Variants in SREK1 observed in about 807,000 individuals in gnomAD.
SREK1 encodes the protein splicing regulatory glutamine/lysine-rich protein 1.
SREK1 carries 13 observed loss-of-function variants against 66.5 expected under a neutral mutation model. The ratio of observed to expected loss-of-function variants is 0.20; its 90% CI spans 0.13 to 0.31. SREK1 has a LOEUF of 0.31. Ranked by LOEUF, SREK1 falls within the 10% of genes least tolerant of loss-of-function variation. The probability of loss-of-function intolerance (pLI) is 1.00; values close to 1 mark genes in which losing one functional copy is unlikely to be tolerated. For synonymous variants in SREK1, 265 were observed against 263.5 expected, an observed-to-expected ratio of 1.01 and a Z score of -0.05; for missense variants, 607 against 769.6, an observed-to-expected ratio of 0.79 and a Z score of 2.50.
chr5:66,177,957 C>T (rs1746197093), intron 11 of SREK1, among the ~76,000 whole-genome samples: 1 of 151,994 alleles, frequency 6.6e-6, no homozygotes, highest in Non-Finnish European at 1.5e-5. Context: ...CTGCCTGATG[C>T]CATTTTCCTC....
chr5:66,167,367 A>G (rs892464938), intron 7 of SREK1: 1 of 152,228 alleles, frequency 6.6e-6, no homozygotes, highest in Non-Finnish European at 1.5e-5. Context: ...TAGAACAGGA[A>G]CTGTAAGACA....
chr5:66,175,351 G>A (rs1745972012), intron 10 of SREK1, among the ~76,000 whole-genome samples: 1 of 152,054 alleles, frequency 6.6e-6, no homozygotes, highest in Non-Finnish European at 1.5e-5. Flanking sequence ...ACACACTGTT[G>A]TGCCCTTGGT....
At chr5:66,167,537 T>C (rs1338158307) in intron 7 of SREK1, 1 of 152,202 alleles carries the variant, frequency 6.6e-6, no homozygotes, top group African/African-American at 2.4e-5. Flanking sequence ...TGATAAATCT[T>C]TAGTTAGATT....
intron 1 of SREK1, among the ~76,000 whole-genome samples, chr5:66,149,272 C>G (rs945527555): frequency 6.6e-5 from 10 of 152,034 alleles, no homozygotes; most frequent in African/African-American, 1.9e-4. Context: ...ATCGCATGAA[C>G]CCGGGAGGCG....
chr5:66,170,575 G>A lies in SREK1; in HGVS notation c.1122-10G>A, dbSNP rs760330521. ...TTTAGTTATGAATTTATTTATTTTT[G>A]TTTTTAAAGGGACAAGAGAAAAGAC... On this transcript the variant is annotated splice_polypyrimidine_tract_variant and intron_variant, in intron 8 of 11. Coordinates refer to ENST00000334121, the MANE Select transcript of SREK1 (RefSeq NM_001077199.3). 4 of 1,575,812 alleles carry A rather than the reference G, an allele frequency of 2.5e-6. No individual in the cohort carries two copies. The highest frequency in any genetic ancestry group is 3.4e-6 in the Non-Finnish European group (4 of 1,168,682).
intron 5 of SREK1, 41 bp downstream of exon 5, chr5:66,162,633 C>A: frequency 6.5e-7 from 1 of 1,528,054 alleles, no homozygotes; most frequent in Non-Finnish European, 8.8e-7. Flanking sequence ...GATTTTGAAA[C>A]ATTTAAAGTA....
chr5:66,144,947 A>G, intron 1 of SREK1: 1 of 990,510 alleles, frequency 1.0e-6, no homozygotes, highest in Non-Finnish European at 1.2e-6. Context: ...CCTGAGCCAC[A>G]GTCCAGTTTT....
chr5:66,174,845 C>A, intron 9 of SREK1, 101 bp from the exon 10 acceptor site: 1 of 1,047,320 alleles, frequency 9.5e-7, no homozygotes, highest in Non-Finnish European at 1.4e-6. Context: ...CTAAAGAATA[C>A]TGTTCATATG....
At position 66,144,362 on chromosome 5, in the gene SREK1, G is replaced by A; in HGVS notation, c.-15G>A. 6.5e-7 allele frequency: 1 copy of A among 1,531,570 alleles called. No individual in the cohort carries two copies. Among genetic ancestry groups the A allele is most frequent in the Admixed American group, 2.0e-5 (1 of 49,896 alleles). 94.9% of individuals were successfully genotyped at this position (1,531,570 alleles called of 1,614,324 possible). On this transcript the variant is annotated 5_prime_UTR_variant, in exon 1 of 12. Transcript: ENST00000334121. ...AGACGTTGGGGAGCGGGAAGGCAACGGCAGCGGGATCGGGATGAACAGCGG... is the reference window on the plus strand; with the variant it reads ...AGACGTTGGGGAGCGGGAAGGCAACAGCAGCGGGATCGGGATGAACAGCGG...
At chr5:66,177,429 C>T (rs1746147501) in intron 10 of SREK1, 85 bp from the exon 11 acceptor site, 3 of 1,084,572 alleles carry the variant, frequency 2.8e-6, no homozygotes, top group Non-Finnish European at 1.3e-6. Context: ...TTTAGATATC[C>T]AGTGTTAGAA....
chr5:66,145,168 A>G (rs1743060977), intron 1 of SREK1: 8 of 985,302 alleles, frequency 8.1e-6, no homozygotes, highest in Non-Finnish European at 7.2e-6. Flanking sequence ...ACTGTCCCAA[A>G]GCTTTCAGAA....
Position 66,177,531 on chromosome 5 carries a change from A to G in SREK1, c.1598A>G (p.Lys533Arg). Residue 533 changes from lysine (K) to arginine (R), a missense_variant, in exon 11 of 12, where the codon AAA becomes AGA. This residue lies in a region of SREK1 where 318 missense variants were observed against 310.3 expected (regional missense o/e 1.02). Transcript: ENST00000334121. ...PSPRSRNKKD[K>R]KREKERDHIS... ...TCTTATAGCAGAAATAAGAAGGATA[A>G]AAAGAGAGAAAAAGAAAGGGACCAC... The G allele has an allele frequency of 6.3e-7, 1 of 1,597,392 alleles. No homozygotes were observed. The highest frequency in any genetic ancestry group is 2.2e-5 in the East Asian group (1 of 44,564).
intron 8 of SREK1, among the ~76,000 whole-genome samples, 199 bp from the exon 9 acceptor site, chr5:66,170,386 A>G (rs999442783): frequency 3.3e-5 from 5 of 152,138 alleles, no homozygotes; most frequent in African/African-American, 4.8e-5. Context: ...GAGGTTTCCA[A>G]ACTACTCAGT....
At position 66,170,848 on chromosome 5, in the gene SREK1, A is replaced by G. The variant is rs748768046; in HGVS notation, c.1385A>G (p.Asp462Gly). Reference sequence around the variant, plus strand: ...GACAAAGAAAAGGAACGAGAAAAAGACAGATCCAAAGAGATAGATGAAAAA... The same window carrying G: ...GACAAAGAAAAGGAACGAGAAAAAGGCAGATCCAAAGAGATAGATGAAAAA... Reference protein sequence around the residue: ...EQDKEKEREKDRSKEIDEKRK... With the variant: ...EQDKEKEREKGRSKEIDEKRK... Residue 462 changes from aspartate to glycine, a missense_variant, in exon 9 of 12, where the codon GAC (aspartate) becomes GGC (glycine). Around this residue, in one of 5 missense-constraint regions of SREK1, gnomAD observed 318 missense variants for 310.3 expected, o/e 1.02. Transcript: ENST00000334121. 12 of 1,614,000 alleles carry G rather than the reference A, an allele frequency of 7.4e-6. No homozygotes were observed. The highest frequency in any genetic ancestry group is 1.0e-5 in the Non-Finnish European group (12 of 1,179,976).
chr5:66,156,740 A>G (rs1228021412), intron 2 of SREK1: 1 of 985,340 alleles, frequency 1.0e-6, no homozygotes, highest in Non-Finnish European at 1.2e-6. Context: ...GTTATTTATC[A>G]TATAACTTAT....
At chr5:66,155,673 T>C (rs886497020) in intron 2 of SREK1, among the ~76,000 whole-genome samples, 1 of 152,220 alleles carries the variant, frequency 6.6e-6, no homozygotes, top group Non-Finnish European at 1.5e-5. Context: ...AGAAAAACCA[T>C]AGAAAAAAAT....
rs1746544161 is a variant in SREK1 at position 66,182,060 on chromosome 5, G to A, written c.*3192G>A. 6.7e-6 allele frequency: 1 copy of A among 150,314 alleles called. No homozygotes were observed. The highest frequency in any genetic ancestry group is 2.1e-4 in the South Asian group (1 of 4,722). The allele number at this position is 150,314 out of a possible 1,614,324, so 9.3% of individuals were successfully genotyped here. ...ACTGTGTAGATTCAAGAATTATAAT[G>A]TAGAGTAATAGGCCTTTAAGTTTTT... On this transcript the variant is annotated 3_prime_UTR_variant, in exon 12 of 12. Transcript: ENST00000334121.
At chr5:66,156,431 G>T in intron 2 of SREK1, 2 of 1,071,586 alleles carry the variant, frequency 1.9e-6, no homozygotes, top group Non-Finnish European at 2.3e-6. Flanking sequence ...AAATTTTCAT[G>T]TGGTAAATTA....
Position 66,182,400 on chromosome 5 carries a change from G to A in SREK1, c.*3532G>A, listed in dbSNP as rs1437023569. 6.6e-6 allele frequency: 1 copy of A among 151,926 alleles called. No individual in the cohort carries two copies. Among genetic ancestry groups the A allele is most frequent in the Non-Finnish European group, 1.5e-5 (1 of 67,980 alleles). The allele number at this position is 151,926 out of a possible 1,614,324, so 9.4% of individuals were successfully genotyped here. On this transcript the variant is annotated 3_prime_UTR_variant, in exon 12 of 12. Coordinates refer to ENST00000334121, the MANE Select transcript of SREK1 (RefSeq NM_001077199.3). The stretch of plus-strand genomic sequence containing the variant: ...GTTTATTTTCAAATTTTAAAAGCTA[G>A]TGCTCTTAAAAGAGCTAAATTATAT...
Sources: gnomAD v4.1 joint callset for allele counts (sites outside exome capture counted in the v4.1 genomes callset) on GRCh38, gnomAD v4.1.1 for gene constraint, gnomAD v4.1.1 regional missense constraint, MANE v1.5 for transcripts, NCBI Gene and HGNC (gene_info 2026-07-23, HGNC 2026-07-21) for gene names.